Variants in TGM6 observed in about 807,000 individuals in gnomAD.
TGM6 encodes transglutaminase 6.
Under a neutral mutation model 77.5 loss-of-function variants are expected in TGM6, and 74 were observed. The ratio of observed to expected loss-of-function variants is 0.96; its 90% confidence interval spans 0.79 to 1.16. The LOEUF is 1.16. TGM6 is among the 50% of genes most tolerant of loss of function. The pLI, the probability that TGM6 is intolerant of heterozygous loss-of-function variation, is 0.00. For synonymous variants in TGM6, 383 were observed against 378.9 expected, an observed-to-expected ratio of 1.01 and a Z score of -0.12; for missense variants, 968 against 940.2, an observed-to-expected ratio of 1.03 and a Z score of -0.39.
chr20:2,410,426 C>CT (rs1244412038), intron 9 of TGM6, among the ~76,000 whole-genome samples: 1 of 152,140 alleles, frequency 6.6e-6, no homozygotes, highest in Non-Finnish European at 1.5e-5. Context: ...CCACTTGGCT[C>CT]TTCCAGAGTT....
chr20:2,401,261 T>C (rs1568659746), intron 7 of TGM6, among the ~76,000 whole-genome samples: 1 of 151,944 alleles, frequency 6.6e-6, no homozygotes, highest in African/African-American at 2.4e-5. Context: ...AGGAAAAACA[T>C]TCATGTGGTT....
At position 2,400,337 on chromosome 20, in the gene TGM6, C is replaced by G. The variant is rs762965769; in HGVS notation, c.882C>G (p.Val294=). The change falls in exon 7 of 13, where the codon GTC becomes GTG. Residue 294 remains valine, a synonymous_variant. Transcript: ENST00000202625. The part of the protein sequence containing the change: ...VLRCLGIATR[V]VSNFNSAHDT... ...GGTGCTTGGGGATAGCCACACGGGTCGTGTCCAACTTCAACTCAGCCCACG... is the reference window on the plus strand; with the variant it reads ...GGTGCTTGGGGATAGCCACACGGGTGGTGTCCAACTTCAACTCAGCCCACG... 5 of 1,614,190 alleles carry G rather than the reference C, an allele frequency of 3.1e-6. No individual in the cohort carries two copies. In the South Asian group the frequency reaches 4.4e-5, roughly 14 times the overall value.
Position 2,381,248 on chromosome 20 carries a change from G to A in TGM6, c.7+273G>A, listed in dbSNP as rs191548566. ...CACCCCTGTGCCTCGGAGGACTGAA[G>A]GAGGCAGGCACAGGAAGGCAGGGGC... On this transcript the variant is annotated intron_variant, in intron 1 of 12. Transcript: ENST00000202625. Among the ~76,000 whole-genome samples, 66 of 152,302 alleles carry A rather than the reference G, an allele frequency of 4.3e-4. 1 individual carries two copies. The East Asian group carries it at 0.011, about 26-fold the overall frequency.
chr20:2,425,446 C>T (rs2122430275), intron 10 of TGM6, among the ~76,000 whole-genome samples: 1 of 151,640 alleles, frequency 6.6e-6, no homozygotes, highest in Admixed American at 6.6e-5. Flanking sequence ...TGCCACAAAA[C>T]TTCAATTTGT....
Position 2,417,471 on chromosome 20 carries a change from C to G in TGM6, c.1576C>G (p.Arg526Gly). ...CLANLTSRAQRVRVNLSGATI... is the reference protein window; with the variant it reads ...CLANLTSRAQGVRVNLSGATI... ...GGCCAACCTCACCTCCCGGGCCCAG[C>G]GGGTGAGGGTCAACCTGAGCGGTGC... The change falls in exon 10 of 13, where the codon CGG becomes GGG. Residue 526 changes from arginine (R) to glycine (G), a missense_variant. Transcript: ENST00000202625. The G allele has an allele frequency of 3.1e-6, 5 of 1,610,250 alleles. No individual in the cohort carries two copies. Among genetic ancestry groups the G allele is most frequent in the Non-Finnish European group, 4.2e-6 (5 of 1,179,842 alleles).
At chr20:2,381,029 C>T (rs1186767797) in intron 1 of TGM6, 54 bp downstream of exon 1, 50 of 1,602,094 alleles carry the variant, frequency 3.1e-5, no homozygotes, top group Non-Finnish European at 3.7e-5. Context: ...AGGGGGGCTT[C>T]AAGAAACACG....
chr20:2,420,114 A>T (rs190045437), intron 10 of TGM6, among the ~76,000 whole-genome samples: 2 of 152,110 alleles, frequency 1.3e-5, no homozygotes, highest in Admixed American at 6.5e-5. Context: ...GCGTGGCGGC[A>T]TGCGCCTGTA....
intron 3 of TGM6, 119 bp from the exon 4 acceptor site, chr20:2,396,387 C>T (rs1199716967): frequency 1.0e-6 from 1 of 986,358 alleles, no homozygotes; most frequent in Non-Finnish European, 1.6e-6. Flanking sequence ...CCCTCTTGAC[C>T]TCTCCTGCCC....
intron 10 of TGM6, among the ~76,000 whole-genome samples, chr20:2,422,073 A>G (rs1165574607): frequency 4.6e-5 from 7 of 152,180 alleles, no homozygotes; most frequent in Non-Finnish European, 1.0e-4. Flanking sequence ...CGGAGGTTGC[A>G]GTGAGCCAAA....
chr20:2,399,104 G>T (rs1027058085), intron 5 of TGM6, among the ~76,000 whole-genome samples: 5 of 149,064 alleles, frequency 3.4e-5, no homozygotes, highest in African/African-American at 1.2e-4. Context: ...ATTTGGGCAG[G>T]TCCCTGAATG....
At chr20:2,423,967 CT>C (rs1482366965) in intron 10 of TGM6, among the ~76,000 whole-genome samples, 1 of 152,148 alleles carries the variant, frequency 6.6e-6, no homozygotes, top group Non-Finnish European at 1.5e-5. Context: ...CAAGAATCTT[CT>C]TTTCTGATCA....
chr20:2,399,855 G>A (rs2084694540), intron 6 of TGM6, 117 bp downstream of exon 6: 1 of 928,718 alleles, frequency 1.1e-6, no homozygotes, highest in African/African-American at 1.7e-5. Flanking sequence ...TCATTGACAG[G>A]GAGAACGAAG....
chr20:2,430,828 A>G, intron 11 of TGM6, 66 bp from the exon 12 acceptor site: 1 of 1,613,662 alleles, frequency 6.2e-7, no homozygotes, highest in South Asian at 1.1e-5. Context: ...TAACTCAGCC[A>G]GGACCATCGG....
chr20:2,403,905 C>A lies in TGM6; in HGVS notation c.1336+82C>A, dbSNP rs574493508. ...AGGGCCCACTGCAGGTGGCCTGGAG[C>A]CAGGCCTCACCCCATGTATATGACG... On this transcript the variant is annotated intron_variant, in intron 9 of 12. Coordinates refer to ENST00000202625, the MANE Select transcript of TGM6 (RefSeq NM_198994.3). The A allele has an allele frequency of 1.3e-5, 21 of 1,607,634 alleles. No homozygotes were observed. The African/African-American group carries it at 2.0e-4, about 15-fold the overall frequency.
chr20:2,387,561 C>G (rs1265595374), intron 1 of TGM6, among the ~76,000 whole-genome samples: 1 of 152,194 alleles, frequency 6.6e-6, no homozygotes, highest in Non-Finnish European at 1.5e-5. Context: ...CTAGGCTAAG[C>G]TAAAACTAGT....
intron 9 of TGM6, among the ~76,000 whole-genome samples, chr20:2,411,677 T>C (rs2084784910): frequency 6.6e-6 from 1 of 152,154 alleles, no homozygotes; most frequent in Non-Finnish European, 1.5e-5. Flanking sequence ...GAAATAGATA[T>C]CTTTTTTAAA....
chr20:2,432,345 G>C, intron 12 of TGM6, 145 bp from the exon 13 acceptor site: 3 of 1,020,502 alleles, frequency 2.9e-6, no homozygotes, highest in Non-Finnish European at 4.5e-6. Flanking sequence ...ACCGCACCTG[G>C]CCTGCAAACA....
chr20:2,396,303 T>A (rs888198122), intron 3 of TGM6, among the ~76,000 whole-genome samples: 1 of 152,176 alleles, frequency 6.6e-6, no homozygotes, highest in Non-Finnish European at 1.5e-5. Context: ...CTTTTGGGAT[T>A]GGTCCCTGCT....
intron 7 of TGM6, 69 bp from the exon 8 acceptor site, chr20:2,403,328 C>A: frequency 1.2e-5 from 19 of 1,557,880 alleles, no homozygotes; most frequent in Non-Finnish European, 1.6e-5. Context: ...CAGGGCCTGC[C>A]TCTCAGTAGG....
Sources: allele counts gnomAD v4.1 joint callset (sites outside exome capture counted in the v4.1 genomes callset), GRCh38; gene constraint gnomAD v4.1.1; transcripts MANE v1.5; gene names NCBI Gene and HGNC (gene_info 2026-07-23, HGNC 2026-07-21).